COLEC12: variants seen among roughly 807,000 people sequenced by gnomAD.
The protein encoded by COLEC12 is collectin subfamily member 12, also known as collectin-12.
In COLEC12, 33 loss-of-function variants were observed where a neutral mutation model predicts 71.1. The ratio of observed to expected loss-of-function variants is 0.46; its 90% CI spans 0.35 to 0.62. The LOEUF (loss-of-function observed/expected upper bound fraction) is 0.62, where lower values mean the gene tolerates loss of function less well. COLEC12 is among the 20% of genes least tolerant of loss of function. COLEC12 has a pLI of 0.00. For synonymous variants in COLEC12, 350 were observed against 353.0 expected, an observed-to-expected ratio of 0.99 and a Z score of 0.10; for missense variants, 765 against 916.1, an observed-to-expected ratio of 0.84 and a Z score of 2.13.
At chr18:496,517 A>C (rs1252706308) in intron 1 of COLEC12, among the ~76,000 whole-genome samples, 1 of 152,242 alleles carries the variant, frequency 6.6e-6, no homozygotes, top group Non-Finnish European at 1.5e-5. Context: ...TGACTCTTTC[A>C]ATGTTAAATG....
chr18:387,638 C>A (rs912569813), intron 2 of COLEC12, among the ~76,000 whole-genome samples: 1 of 152,186 alleles, frequency 6.6e-6, no homozygotes, highest in Non-Finnish European at 1.5e-5. Context: ...CTCACGGCAA[C>A]ATGGATTCAG....
chr18:436,493 T>G (rs1916405933), intron 2 of COLEC12, among the ~76,000 whole-genome samples: 1 of 100,244 alleles, frequency 1.0e-5, no homozygotes, highest in Non-Finnish European at 1.8e-5. Flanking sequence ...CCAGCCCAGG[T>G]GACAACAGCG....
chr18:403,708 G>C (rs1268516533), intron 2 of COLEC12, among the ~76,000 whole-genome samples: 4 of 152,220 alleles, frequency 2.6e-5, no homozygotes, highest in Admixed American at 6.5e-5. Flanking sequence ...TAAGTGCAGA[G>C]TTGAGGAAAT....
At chr18:483,102 T>G (rs909492561) in intron 1 of COLEC12, among the ~76,000 whole-genome samples, 1 of 152,260 alleles carries the variant, frequency 6.6e-6, no homozygotes, top group Non-Finnish European at 1.5e-5. Context: ...AATGTATTTA[T>G]AAAATCACAT....
intron 1 of COLEC12, among the ~76,000 whole-genome samples, chr18:491,673 G>A (rs1435833124): frequency 1.3e-5 from 2 of 152,184 alleles, no homozygotes; most frequent in African/African-American, 2.4e-5. Context: ...CTATTTGGGG[G>A]AAGGACCAAC....
intron 2 of COLEC12, among the ~76,000 whole-genome samples, chr18:403,299 C>G (rs1221233540): frequency 2.0e-5 from 3 of 152,080 alleles, no homozygotes; most frequent in African/African-American, 7.2e-5. Flanking sequence ...TTGTTGTCTT[C>G]AAAGTCTCTG....
At chr18:363,549 A>G (rs1004934946) in intron 2 of COLEC12, among the ~76,000 whole-genome samples, 1 of 152,206 alleles carries the variant, frequency 6.6e-6, no homozygotes, top group African/African-American at 2.4e-5. Flanking sequence ...TTATTAATCT[A>G]CTGCCTGGTG....
intron 2 of COLEC12, among the ~76,000 whole-genome samples, chr18:423,059 T>A (rs2621200): frequency 0.58 from 88,240 of 151,980 alleles, 26,313 homozygotes; most frequent in East Asian, 0.91. Context: ...TCGTTTGAGG[T>A]CAAGAGTTCA....
At chr18:398,293 A>C (rs1915612116) in intron 2 of COLEC12, among the ~76,000 whole-genome samples, 1 of 152,242 alleles carries the variant, frequency 6.6e-6, no homozygotes, top group African/African-American at 2.4e-5. Context: ...GAGCCCTTAT[A>C]TACCTTTTTA....
intron 2 of COLEC12, among the ~76,000 whole-genome samples, chr18:446,907 G>T (rs1916665506): frequency 6.6e-6 from 1 of 152,080 alleles, no homozygotes; most frequent in East Asian, 1.9e-4. Flanking sequence ...ACATCAACAG[G>T]CTTTTGAAAA....
rs566672717 is a variant in COLEC12 at position 320,159 on chromosome 18, G to A, written c.2210-95C>T. 7.3e-5 allele frequency: 54 copies of A among 738,520 alleles called. No homozygotes were observed. In the South Asian group the frequency reaches 8.4e-4, roughly 12 times the overall value. 45.7% of individuals were successfully genotyped at this position (738,520 alleles called of 1,614,324 possible). A position where few individuals can be genotyped will look rare whatever the true frequency, so the allele number is the denominator to read the frequency against. On this transcript the variant is annotated intron_variant, in intron 9 of 9. Coordinates refer to ENST00000400256, the MANE Select transcript of COLEC12 (RefSeq NM_130386.3). ...AGGGAACGTGTATTTTTATAGGACAGTGTCTAAAATACATCATTCAACAAT... is the reference window on the plus strand; with the variant it reads ...AGGGAACGTGTATTTTTATAGGACAATGTCTAAAATACATCATTCAACAAT...
chr18:411,130 T>C (rs1915886617), intron 2 of COLEC12, among the ~76,000 whole-genome samples: 1 of 152,220 alleles, frequency 6.6e-6, no homozygotes, highest in South Asian at 2.1e-4. Flanking sequence ...ATAATAATGA[T>C]GATACCACTC....
intron 2 of COLEC12, among the ~76,000 whole-genome samples, chr18:414,623 A>G (rs1419621280): frequency 5.3e-5 from 8 of 152,170 alleles, no homozygotes; most frequent in Admixed American, 3.3e-4. Context: ...CAAACAAAAA[A>G]CAAAAAACAA....
chr18:499,359 T>C (rs982209784), intron 1 of COLEC12, among the ~76,000 whole-genome samples: 1 of 151,414 alleles, frequency 6.6e-6, no homozygotes, highest in Non-Finnish European at 1.5e-5. Flanking sequence ...GGAAAGGGAG[T>C]GAATTGGTAG....
Position 348,147 on chromosome 18 carries a change from G to A in COLEC12, c.198C>T (p.Asp66=), listed in dbSNP as rs1215493689. ...ATGTTTCCATGCCACCTGTGACATT[G>A]TCCATTTTCTCTACAACTAAGATTT... ...ILGYKVVEKM[D]NVTGGMETSR... Residue 66 remains aspartate, a synonymous_variant, in exon 4 of 10, where the codon GAC becomes GAT. Transcript: ENST00000400256. 7.4e-6 allele frequency: 12 copies of A among 1,612,462 alleles called. No homozygotes were observed. Among genetic ancestry groups the A allele is most frequent in the Non-Finnish European group, 9.3e-6 (11 of 1,178,720 alleles).
intron 2 of COLEC12, among the ~76,000 whole-genome samples, chr18:428,370 G>C (rs1916238247): frequency 1.3e-5 from 2 of 152,070 alleles, no homozygotes; most frequent in South Asian, 4.1e-4. Context: ...AACAGAAAAA[G>C]TCCTTGTTCC....
intron 2 of COLEC12, among the ~76,000 whole-genome samples, chr18:461,971 A>T (rs914819649): frequency 2.6e-5 from 4 of 152,242 alleles, no homozygotes; most frequent in African/African-American, 9.6e-5. Flanking sequence ...TCATATCTAA[A>T]ACCACTCTTA....
chr18:469,312 G>A (rs1917148220), intron 2 of COLEC12, among the ~76,000 whole-genome samples: 1 of 152,254 alleles, frequency 6.6e-6, no homozygotes, highest in Admixed American at 6.5e-5. Context: ...TGGAAATTCT[G>A]CGGGTGAGAG....
intron 1 of COLEC12, among the ~76,000 whole-genome samples, chr18:493,645 A>G (rs1399532372): frequency 6.6e-6 from 1 of 152,198 alleles, no homozygotes; most frequent in East Asian, 1.9e-4. Context: ...TATTCATTTT[A>G]TTTGGCATTT....
Sources: allele counts gnomAD v4.1 joint callset (sites outside exome capture counted in the v4.1 genomes callset), GRCh38; gene constraint gnomAD v4.1.1; transcripts MANE v1.5; gene names NCBI Gene and HGNC (gene_info 2026-07-23, HGNC 2026-07-21).